FRMPD2: variants seen among roughly 807,000 people sequenced by gnomAD.
The protein encoded by FRMPD2 is FERM and PDZ domain containing 2.
In FRMPD2, 96 loss-of-function variants were observed where a neutral mutation model predicts 140.1. That is an observed-to-expected ratio of 0.69 (90% confidence interval 0.58 to 0.81). The LOEUF is 0.81. FRMPD2 is among the 40% of genes least tolerant of loss of function. FRMPD2 has a pLI of 0.00. For missense variants in FRMPD2, 1,240 were observed against 1,447.4 expected, an observed-to-expected ratio of 0.86 and a Z score of 2.32; for synonymous variants, 449 against 547.6, an observed-to-expected ratio of 0.82 and a Z score of 2.52.
chr10:48,269,400 G>T (rs543549676), intron 1 of FRMPD2, among the ~76,000 whole-genome samples: 1 of 152,188 alleles, frequency 6.6e-6, no homozygotes, highest in African/African-American at 2.4e-5. Flanking sequence ...GCACAGAGGC[G>T]TGTTGCATGT....
chr10:48,170,427 C>T (rs1333911933), intron 26 of FRMPD2, among the ~76,000 whole-genome samples: 17 of 152,208 alleles, frequency 1.1e-4, no homozygotes, highest in African/African-American at 4.1e-4. Context: ...GGGGTAACTG[C>T]ATCCCACTCT....
chr10:48,253,220 C>A (rs769871266), intron 1 of FRMPD2, among the ~76,000 whole-genome samples: 5 of 152,166 alleles, frequency 3.3e-5, no homozygotes, highest in African/African-American at 4.8e-5. Context: ...GGAGGACAAA[C>A]TTTTCAACAA....
chr10:48,192,774 T>C lies in FRMPD2; in HGVS notation c.2075A>G (p.Gln692Arg). The C allele has an allele frequency of 6.2e-7, 1 of 1,614,144 alleles. No homozygotes were observed. Among genetic ancestry groups the C allele is most frequent in the South Asian group, 1.1e-5 (1 of 91,078 alleles). The change falls in exon 16 of 29, where the codon CAG (glutamine) becomes CGG (arginine). Residue 692 changes from glutamine to arginine, a missense_variant. Coordinates refer to ENST00000374201, the MANE Select transcript of FRMPD2 (RefSeq NM_001018071.4). ...SENELFVSRL[Q>R]GAAGGLLSTS... Reference sequence around the variant, plus strand: ...ACTCAGCAGGCCTCCTGCAGCACCCTGAAGCCTGGATACAAACAACTCGTT... The same window carrying C: ...ACTCAGCAGGCCTCCTGCAGCACCCCGAAGCCTGGATACAAACAACTCGTT...
At chr10:48,249,527 T>C (rs1032722411) in intron 2 of FRMPD2, among the ~76,000 whole-genome samples, 14 of 152,092 alleles carry the variant, frequency 9.2e-5, no homozygotes, top group African/African-American at 1.9e-4. Context: ...TTCTGGGAGC[T>C]CCGTAGCTGT....
At chr10:48,247,005 G>C (rs374489808) in intron 3 of FRMPD2, among the ~76,000 whole-genome samples, 11 of 152,294 alleles carry the variant, frequency 7.2e-5, no homozygotes, top group African/African-American at 2.6e-4. Flanking sequence ...ACCAATGTTT[G>C]GTTAGTTCGG....
In FRMPD2 at chr10:48,254,718, C is replaced by T. The variant is rs911390676; in HGVS notation, c.26-3027G>A. ...TTCATGACAGCCTTCTGAAATAGGG[C>T]TATCATCATGCCCATTTTAAAGATG... On this transcript the variant is annotated intron_variant, in intron 1 of 28. Coordinates refer to ENST00000374201, the MANE Select transcript of FRMPD2 (RefSeq NM_001018071.4). Among the ~76,000 whole-genome samples the T allele has an allele frequency of 3.2e-4, 49 of 152,330 alleles. 1 individual carries two copies. The highest frequency in any genetic ancestry group is 1.1e-3 in the African/African-American group (44 of 41,572).
rs182280279 is a variant in FRMPD2 at position 48,222,515 on chromosome 10, G to T, written c.1317-64C>A. 2.8e-4 allele frequency: 434 copies of T among 1,566,928 alleles called. 5 individuals are homozygous for T. The Admixed American group carries it at 6.6e-3, about 24-fold the overall frequency. On this transcript the variant is annotated intron_variant, in intron 11 of 28. Transcript: ENST00000374201. ...AGGGAAAGGGAGAATGTTAGCACCA[G>T]TGGGTTTTCTCAGTGTGGGAAGTTG...
chr10:48,227,900 T>C (rs1839762596), intron 10 of FRMPD2, among the ~76,000 whole-genome samples: 1 of 152,224 alleles, frequency 6.6e-6, no homozygotes, highest in Non-Finnish European at 1.5e-5. Context: ...AAAATAGTCA[T>C]GTTTGGAGAC....
At chr10:48,228,103 C>G (rs1839767938) in intron 10 of FRMPD2, among the ~76,000 whole-genome samples, 1 of 151,986 alleles carries the variant, frequency 6.6e-6, no homozygotes, top group South Asian at 2.1e-4. Flanking sequence ...TATGTTTTAA[C>G]TTTTAGGTTC....
chr10:48,211,864 C>T (rs1156687330), intron 13 of FRMPD2, 90 bp downstream of exon 13: 6 of 1,330,644 alleles, frequency 4.5e-6, no homozygotes, highest in South Asian at 4.3e-5. Flanking sequence ...GGTCTGCACA[C>T]ACCTGGGCCC....
chr10:48,256,918 A>G (rs1356818159), intron 1 of FRMPD2, among the ~76,000 whole-genome samples: 1 of 152,210 alleles, frequency 6.6e-6, no homozygotes, highest in East Asian at 1.9e-4. Context: ...TTCTATAACA[A>G]ATTACCACAA....
At chr10:48,267,807 A>G (rs998247704) in intron 1 of FRMPD2, among the ~76,000 whole-genome samples, 12 of 152,254 alleles carry the variant, frequency 7.9e-5, no homozygotes, top group East Asian at 1.9e-4. Flanking sequence ...ACATTACTCA[A>G]CCATAAAAAG....
At chr10:48,159,182 C>T (rs1344376228) in intron 28 of FRMPD2, 6 of 456,146 alleles carry the variant, frequency 1.3e-5, no homozygotes, top group Admixed American at 9.4e-5. Context: ...CTGGGAGCCC[C>T]AGGTCTCTGC....
At chr10:48,163,737 CT>C (rs1416583641) in intron 27 of FRMPD2, 66 bp from the exon 28 acceptor site, 5 of 853,274 alleles carry the variant, frequency 5.9e-6, no homozygotes, top group East Asian at 2.4e-5. Context: ...AAATACAAAG[CT>C]TTTTTCCCCC....
chr10:48,209,577 T>C (rs994784261), intron 13 of FRMPD2, among the ~76,000 whole-genome samples: 14 of 152,192 alleles, frequency 9.2e-5, no homozygotes, highest in African/African-American at 3.4e-4. Context: ...ATCCAGTGAT[T>C]GCTTGTAGAA....
chr10:48,220,906 C>T (rs1839570867), intron 12 of FRMPD2, among the ~76,000 whole-genome samples: 1 of 152,136 alleles, frequency 6.6e-6, no homozygotes. Flanking sequence ...CTCACTCCTG[C>T]AAGAACGGCC....
chr10:48,187,280 G>C lies in FRMPD2; in HGVS notation c.2178C>G (p.Gly726=). The stretch of plus-strand genomic sequence containing the variant: ...CACAGGCACTCTTCAGCTGCTCCCG[G>C]CCAGTGCAGGGGCTGCCGGGAAAAG... ...AEGIGRSPCT[G]REQLKSACVI... The change falls in exon 17 of 29, where the codon GGC becomes GGG. Residue 726 remains glycine, a synonymous_variant. Coordinates refer to ENST00000374201, the MANE Select transcript of FRMPD2 (RefSeq NM_001018071.4). 1 of 1,613,972 alleles carries C rather than the reference G, an allele frequency of 6.2e-7. No homozygotes were observed. Among genetic ancestry groups the C allele is most frequent in the Non-Finnish European group, 8.5e-7 (1 of 1,179,940 alleles).
In FRMPD2 at chr10:48,220,509, C is replaced by G. The variant is rs1291302930; in HGVS notation, c.1455+1804G>C. ...TTGAGAAGATAACACCAGAAAAACC[C>G]TTCTGGATATTGGCTTAGACAAAGA... On this transcript the variant is annotated intron_variant, in intron 12 of 28. Transcript: ENST00000374201. 7.2e-5 allele frequency among the ~76,000 whole-genome samples: 11 copies of G among 152,132 alleles called. No individual in the cohort carries two copies. The East Asian group carries it at 1.5e-3, about 21-fold the overall frequency.
At chr10:48,215,335 G>A (rs1422853572) in intron 12 of FRMPD2, among the ~76,000 whole-genome samples, 1 of 152,152 alleles carries the variant, frequency 6.6e-6, no homozygotes, top group East Asian at 1.9e-4. Flanking sequence ...ACAGAGAGGG[G>A]CTCTCCTCTC....
Sources: gnomAD v4.1 joint callset for allele counts (sites outside exome capture counted in the v4.1 genomes callset) on GRCh38, gnomAD v4.1.1 for gene constraint, MANE v1.5 for transcripts, NCBI Gene and HGNC (gene_info 2026-07-23, HGNC 2026-07-21) for gene names.